The following ZNRF1 variants were observed in gnomAD, a reference collection of about 807,000 sequenced individuals.
ZNRF1 encodes E3 ubiquitin-protein ligase ZNRF1.
ZNRF1 carries 3 observed loss-of-function variants against 18.4 expected under a neutral mutation model. The ratio of observed to expected loss-of-function variants is 0.16; its 90% CI spans 0.07 to 0.42. The LOEUF (loss-of-function observed/expected upper bound fraction) is 0.42. Ranked by LOEUF, ZNRF1 falls within the 10% of genes least tolerant of loss-of-function variation. ZNRF1 has a pLI of 0.99. For synonymous variants in ZNRF1, 157 were observed against 144.2 expected, an observed-to-expected ratio of 1.09 and a Z score of -0.64; for missense variants, 310 against 329.8, an observed-to-expected ratio of 0.94 and a Z score of 0.47.
chr16:75,104,821 C>A lies in ZNRF1; in HGVS notation c.558C>A (p.Ile186=). The A allele has an allele frequency of 6.2e-7, 1 of 1,610,922 alleles. No individual in the cohort carries two copies. The highest frequency in any genetic ancestry group is 1.1e-5 in the South Asian group (1 of 89,834). Residue 186 remains isoleucine, a synonymous_variant, in exon 3 of 5, where the codon ATC becomes ATA. Coordinates refer to ENST00000335325, the MANE Select transcript of ZNRF1 (RefSeq NM_032268.5). ...CTAAAGACGCGGGTGAGTGTGTGAT[C>A]TGCCTGGAGGAGCTGCTGCAGGGGG... ...VLTKDAGECV[I]CLEELLQGDT... is the part of the protein sequence containing the mutation.
chr16:75,045,556 CTTGT>C (rs67324313), intron 1 of ZNRF1, among the ~76,000 whole-genome samples: 138,755 of 151,184 alleles, frequency 0.92, 63,716 homozygotes, highest in Non-Finnish European at 0.93. Context: ...TAGTAATAGA[CTTGT>C]TTGTTTGTTT....
chr16:75,105,199 G>A lies in ZNRF1; in HGVS notation c.626+310G>A. On this transcript the variant is annotated intron_variant, in intron 3 of 4. Coordinates refer to ENST00000335325, the MANE Select transcript of ZNRF1 (RefSeq NM_032268.5). Reference sequence around the variant, plus strand: ...AGCTTCGGATCCCACTGGGAAGGTTGGTTCTCCGTCTGTCTCCCTGCCTCT... The same window carrying A: ...AGCTTCGGATCCCACTGGGAAGGTTAGTTCTCCGTCTGTCTCCCTGCCTCT... 4 of 306,236 alleles carry A rather than the reference G, an allele frequency of 1.3e-5. No individual in the cohort carries two copies. The South Asian group carries it at 1.3e-4, about 10-fold the overall frequency. 19.0% of individuals were successfully genotyped at this position (306,236 alleles called of 1,614,324 possible). A position where few individuals can be genotyped will look rare whatever the true frequency, so the allele number is the denominator to read the frequency against.
At chr16:75,082,890 T>G (rs941058880) in intron 1 of ZNRF1, among the ~76,000 whole-genome samples, 2 of 152,224 alleles carry the variant, frequency 1.3e-5, no homozygotes, top group Non-Finnish European at 2.9e-5. Context: ...TGGAATTCAG[T>G]CTGTATGATT....
At chr16:75,007,450 A>G (rs1597853563) in intron 1 of ZNRF1, among the ~76,000 whole-genome samples, 1 of 152,208 alleles carries the variant, frequency 6.6e-6, no homozygotes, top group African/African-American at 2.4e-5. Flanking sequence ...TTGAACACAC[A>G]GCTTTCCTCT....
chr16:75,041,848 T>G (rs544008947), intron 1 of ZNRF1, among the ~76,000 whole-genome samples: 54 of 151,526 alleles, frequency 3.6e-4, no homozygotes, highest in African/African-American at 1.3e-3. Context: ...TATATAAAAT[T>G]AGCTGGGCAT....
intron 1 of ZNRF1, among the ~76,000 whole-genome samples, chr16:75,071,190 C>G (rs1163973101): frequency 6.6e-6 from 1 of 151,714 alleles, no homozygotes; most frequent in East Asian, 1.9e-4. Context: ...ACCTCCGCCT[C>G]CCGGGTTCAA....
intron 1 of ZNRF1, among the ~76,000 whole-genome samples, chr16:75,025,580 C>T (rs951450799): frequency 6.6e-6 from 1 of 152,098 alleles, no homozygotes; most frequent in South Asian, 2.1e-4. Flanking sequence ...GATCGTATAG[C>T]CCCTCCTATA....
chr16:75,092,331 G>A (rs2036149741), intron 1 of ZNRF1, among the ~76,000 whole-genome samples: 1 of 152,146 alleles, frequency 6.6e-6, no homozygotes, highest in African/African-American at 2.4e-5. Context: ...CCACATGGAA[G>A]TGGAGCCCCA....
chr16:75,030,179 C>T (rs1005106156), intron 1 of ZNRF1, among the ~76,000 whole-genome samples: 1 of 151,968 alleles, frequency 6.6e-6, no homozygotes, highest in Admixed American at 6.6e-5. Context: ...ACAACCATCA[C>T]CACATTTACC....
chr16:75,052,671 A>T (rs1201727764), intron 1 of ZNRF1, among the ~76,000 whole-genome samples: 4 of 152,172 alleles, frequency 2.6e-5, no homozygotes, highest in Admixed American at 6.5e-5. Flanking sequence ...TCCAGCAGGC[A>T]GGTGTGTCAG....
intron 1 of ZNRF1, among the ~76,000 whole-genome samples, chr16:75,040,966 A>G (rs553937332): frequency 1.3e-5 from 2 of 152,280 alleles, no homozygotes; most frequent in Admixed American, 1.3e-4. Flanking sequence ...TTGTGCTGAC[A>G]TCGGTAGTTT....
chr16:75,073,014 G>T (rs1012710599), intron 1 of ZNRF1, among the ~76,000 whole-genome samples: 2 of 152,070 alleles, frequency 1.3e-5, no homozygotes, highest in African/African-American at 4.8e-5. Context: ...GGCCAGGCAG[G>T]TACAGTAGCT....
chr16:75,041,770 C>G (rs1234701105), intron 1 of ZNRF1, among the ~76,000 whole-genome samples: 1 of 151,202 alleles, frequency 6.6e-6, no homozygotes, highest in Non-Finnish European at 1.5e-5. Context: ...ACTTAATTCT[C>G]TCAGGAGTTC....
intron 1 of ZNRF1, among the ~76,000 whole-genome samples, chr16:75,069,130 A>G (rs1490750914): frequency 6.6e-6 from 1 of 152,152 alleles, no homozygotes; most frequent in Non-Finnish European, 1.5e-5. Context: ...TGTTCAACCA[A>G]AGTTAGGAGA....
rs1037339887 is a variant in ZNRF1 at position 75,077,404 on chromosome 16, T to C, written c.425-16168T>C. Among the ~76,000 whole-genome samples the C allele has an allele frequency of 3.3e-5, 5 of 152,308 alleles. No homozygotes were observed. In the South Asian group the frequency reaches 8.3e-4, roughly 25 times the overall value. On this transcript the variant is annotated intron_variant, in intron 1 of 4. Coordinates refer to ENST00000335325, the MANE Select transcript of ZNRF1 (RefSeq NM_032268.5). ...AAAATTAGCCAGGCGTGGTGGTGTA[T>C]GCCTGTAGTCCCAGCTATTCGGGAG...
intron 1 of ZNRF1, among the ~76,000 whole-genome samples, chr16:75,057,771 G>A (rs896385479): frequency 4.6e-5 from 7 of 152,194 alleles, no homozygotes; most frequent in African/African-American, 1.7e-4. Flanking sequence ...GAGTAGAGTA[G>A]CTGGGATTAC....
intron 1 of ZNRF1, among the ~76,000 whole-genome samples, chr16:75,017,203 A>G (rs1044492778): frequency 1.3e-5 from 2 of 152,230 alleles, no homozygotes. Flanking sequence ...TTGTGCTTCC[A>G]GATAAATTTT....
chr16:75,047,342 C>G (rs1181907357), intron 1 of ZNRF1, among the ~76,000 whole-genome samples: 1 of 152,136 alleles, frequency 6.6e-6, no homozygotes, highest in Non-Finnish European at 1.5e-5. Flanking sequence ...CCAGCTAATT[C>G]TTAAATTTTT....
chr16:75,016,348 C>CATG (rs1438429192), intron 1 of ZNRF1, among the ~76,000 whole-genome samples: 5 of 151,804 alleles, frequency 3.3e-5, no homozygotes, highest in Non-Finnish European at 4.4e-5. Flanking sequence ...AAGCAATTCT[C>CATG]CCACCTCAGC....
Sources: gnomAD v4.1 joint callset for allele counts (sites outside exome capture counted in the v4.1 genomes callset) on GRCh38, gnomAD v4.1.1 for gene constraint, MANE v1.5 for transcripts, NCBI Gene and HGNC (gene_info 2026-07-23, HGNC 2026-07-21) for gene names.